Variants in SNTG2 observed in about 807,000 individuals in gnomAD.
SNTG2 encodes the protein gamma-2-syntrophin.
In SNTG2, 74 loss-of-function variants were observed where a neutral mutation model predicts 70.9. The ratio of observed to expected loss-of-function variants is 1.04; its 90% CI spans 0.86 to 1.27. The LOEUF (loss-of-function observed/expected upper bound fraction) is 1.27, where lower values mean the gene tolerates loss of function less well. Among genes scored for constraint, SNTG2 ranks in the 50% most tolerant of loss-of-function variants. SNTG2 has a pLI of 0.00. For missense variants in SNTG2, 717 were observed against 690.7 expected (o/e 1.04, Z -0.43); for synonymous variants, 278 against 273.8 (o/e 1.02, Z -0.15).
At chr2:1,066,833 G>A (rs940272670) in intron 1 of SNTG2, among the ~76,000 whole-genome samples, 1 of 152,126 alleles carries the variant, frequency 6.6e-6, no homozygotes, top group Admixed American at 6.5e-5. Flanking sequence ...TTCTTCAGCA[G>A]CTTCTCGTGT....
At chr2:1,168,633 C>T (rs766458676) in intron 7 of SNTG2, among the ~76,000 whole-genome samples, 1 of 152,204 alleles carries the variant, frequency 6.6e-6, no homozygotes, top group Non-Finnish European at 1.5e-5. Flanking sequence ...TTCAGCAACT[C>T]CATTTTTCCC....
chr2:1,291,268 A>G (rs1447887522), intron 14 of SNTG2, among the ~76,000 whole-genome samples: 3 of 152,122 alleles, frequency 2.0e-5, no homozygotes, highest in African/African-American at 7.2e-5. Flanking sequence ...CCCTTAATAG[A>G]TATATGATTT....
chr2:963,340 G>C (rs1473774240), intron 1 of SNTG2, among the ~76,000 whole-genome samples: 1 of 151,764 alleles, frequency 6.6e-6, no homozygotes, highest in Non-Finnish European at 1.5e-5. Flanking sequence ...GATAAGAAAG[G>C]CAGCATGCTC....
intron 8 of SNTG2, among the ~76,000 whole-genome samples, chr2:1,174,281 G>A (rs1671324693): frequency 8.4e-6 from 1 of 118,430 alleles, no homozygotes; most frequent in African/African-American, 3.6e-5. Flanking sequence ...TTGAAAAAAA[G>A]TTTTATCCAT....
intron 1 of SNTG2, among the ~76,000 whole-genome samples, chr2:973,361 T>G (rs1660806423): frequency 6.6e-6 from 1 of 152,152 alleles, no homozygotes; most frequent in Non-Finnish European, 1.5e-5. Context: ...TTTTCAGTGT[T>G]TTTTGTTTCA....
intron 1 of SNTG2, among the ~76,000 whole-genome samples, chr2:1,056,989 G>T (rs1350049374): frequency 1.3e-5 from 2 of 148,498 alleles, no homozygotes; most frequent in Non-Finnish European, 1.5e-5. Context: ...GGGCCACCCC[G>T]TGGGGAGGGA....
intron 1 of SNTG2, among the ~76,000 whole-genome samples, chr2:990,472 CTCG>C (rs1349768979): frequency 6.6e-6 from 1 of 152,188 alleles, no homozygotes; most frequent in African/African-American, 2.4e-5. Flanking sequence ...ACTGTGTCCT[CTCG>C]TGGTGGGGGA....
chr2:997,049 A>C (rs912447262), intron 1 of SNTG2, among the ~76,000 whole-genome samples: 1 of 151,802 alleles, frequency 6.6e-6, no homozygotes, highest in Non-Finnish European at 1.5e-5. Context: ...TCTGGATTCC[A>C]CTCTACAGGT....
chr2:1,041,207 G>A (rs968980438), intron 1 of SNTG2, among the ~76,000 whole-genome samples: 4 of 152,286 alleles, frequency 2.6e-5, no homozygotes, highest in African/African-American at 9.6e-5. Context: ...GCGGTGCTTA[G>A]TGTAAAGAAC....
intron 1 of SNTG2, among the ~76,000 whole-genome samples, chr2:1,072,880 A>C (rs1224806513): frequency 1.3e-5 from 2 of 152,230 alleles, no homozygotes; most frequent in African/African-American, 4.8e-5. Context: ...TCCAGCCCTC[A>C]TGGGTGACTA....
At position 1,061,329 on chromosome 2, in the gene SNTG2, A is replaced by G. The variant is rs1014507196; in HGVS notation, c.73-22189A>G. 3.3e-5 allele frequency among the ~76,000 whole-genome samples: 5 copies of G among 152,198 alleles called. No individual in the cohort carries two copies. In the South Asian group the frequency reaches 8.3e-4, roughly 25 times the overall value. ...CAAAAATGGAATATGTGTATTAGATAATAGAAAGGTATTGTGAGATCATGA... is the reference window on the plus strand; with the variant it reads ...CAAAAATGGAATATGTGTATTAGATGATAGAAAGGTATTGTGAGATCATGA... On this transcript the variant is annotated intron_variant, in intron 1 of 16. Transcript: ENST00000308624.
At chr2:1,203,166 C>T (rs147627085) in intron 8 of SNTG2, among the ~76,000 whole-genome samples, 88 of 152,218 alleles carry the variant, frequency 5.8e-4, no homozygotes, top group African/African-American at 2.0e-3. Context: ...GAATGCTGGG[C>T]CATGATCTAC....
chr2:1,335,615 A>G (rs539098683), intron 16 of SNTG2, among the ~76,000 whole-genome samples: 1 of 152,130 alleles, frequency 6.6e-6, no homozygotes, highest in Non-Finnish European at 1.5e-5. Flanking sequence ...TAAAAATTAG[A>G]CTGGAGTCCT....
At chr2:1,148,946 A>G (rs1286263440) in intron 6 of SNTG2, among the ~76,000 whole-genome samples, 10 of 152,176 alleles carry the variant, frequency 6.6e-5, no homozygotes, top group Non-Finnish European at 1.3e-4. Flanking sequence ...TCGAGGTTTC[A>G]CAGCTGCTTG....
chr2:1,158,967 T>C (rs1670083246), intron 6 of SNTG2, among the ~76,000 whole-genome samples: 1 of 152,094 alleles, frequency 6.6e-6, no homozygotes, highest in Admixed American at 6.6e-5. Flanking sequence ...AAGTGGGGCG[T>C]ATGGCAGATC....
intron 8 of SNTG2, among the ~76,000 whole-genome samples, chr2:1,203,671 A>ATATATATATATATAT (rs1553355231): frequency 1.5e-5 from 1 of 67,082 alleles, no homozygotes; most frequent in African/African-American, 5.3e-5. Context: ...AACAAAAAAA[A>ATATATATATATATAT]AAATATATAT....
chr2:1,019,893 A>G (rs917023504), intron 1 of SNTG2, among the ~76,000 whole-genome samples: 1 of 152,066 alleles, frequency 6.6e-6, no homozygotes, highest in Admixed American at 6.6e-5. Context: ...AAAAAGAAAA[A>G]TTAGCCGGGT....
At chr2:1,346,935 A>G (rs1365076493) in intron 16 of SNTG2, among the ~76,000 whole-genome samples, 3 of 152,132 alleles carry the variant, frequency 2.0e-5, no homozygotes, top group Non-Finnish European at 4.4e-5. Flanking sequence ...GTTAAGATGA[A>G]GTCATCTGCA....
intron 8 of SNTG2, among the ~76,000 whole-genome samples, chr2:1,181,549 A>G (rs1385874326): frequency 6.6e-6 from 1 of 152,194 alleles, no homozygotes; most frequent in African/African-American, 2.4e-5. Context: ...TTACAAGTGG[A>G]TACCTCTGAC....
Sources: gnomAD v4.1 joint callset for allele counts (sites outside exome capture counted in the v4.1 genomes callset) on GRCh38, gnomAD v4.1.1 for gene constraint, MANE v1.5 for transcripts, NCBI Gene and HGNC (gene_info 2026-07-23, HGNC 2026-07-21) for gene names.